The following CNIH3 variants were observed in gnomAD, a reference collection of about 807,000 sequenced individuals.
The protein encoded by CNIH3 is protein cornichon homolog 3.
A neutral mutation model predicts 24.1 loss-of-function variants in CNIH3; 14 were observed. The ratio of observed to expected loss-of-function variants is 0.58; its 90% CI spans 0.38 to 0.91. The LOEUF (loss-of-function observed/expected upper bound fraction) is 0.91. CNIH3 is among the 40% of genes least tolerant of loss of function. The pLI, the probability that CNIH3 is intolerant of heterozygous loss-of-function variation, is 0.00. For synonymous variants in CNIH3, 68 were observed against 73.8 expected, an observed-to-expected ratio of 0.92 and a Z score of 0.40; for missense variants, 178 against 196.8, an observed-to-expected ratio of 0.90 and a Z score of 0.57.
chr1:224,477,748 T>C (rs977460831), intron 1 of CNIH3, among the ~76,000 whole-genome samples: 2 of 152,234 alleles, frequency 1.3e-5, no homozygotes, highest in African/African-American at 4.8e-5. Flanking sequence ...TGCTTACTGT[T>C]ACCAGAGAGT....
chr1:224,501,883 A>T (rs998295617), intron 1 of CNIH3, among the ~76,000 whole-genome samples: 12 of 147,682 alleles, frequency 8.1e-5, no homozygotes, highest in Admixed American at 4.0e-4. Context: ...TTTATACAGA[A>T]ATTTGTTTGT....
intron 1 of CNIH3, among the ~76,000 whole-genome samples, chr1:224,456,148 G>T (rs1427656782): frequency 6.6e-6 from 1 of 152,160 alleles, no homozygotes; most frequent in African/African-American, 2.4e-5. Flanking sequence ...TCTCAAGTAG[G>T]ATTGAAACAT....
rs115177091 is a variant in CNIH3, at chr1:224,504,626, A to C, written n.204-11115A>C. ...TTCCTCCAAGGAGTCATGTGTCACT[A>C]GTCCAACCCCACCTTAATCTTTTTC... On this transcript the variant is annotated intron_variant and non_coding_transcript_variant, in intron 1 of 5. Coordinates refer to the CNIH3 transcript ENST00000471578. 5.9e-3 allele frequency among the ~76,000 whole-genome samples: 892 copies of C among 151,698 alleles called. 5 individuals are homozygous for C. The highest frequency in any genetic ancestry group is 0.02 in the African/African-American group (836 of 41,286).
intron 3 of CNIH3, among the ~76,000 whole-genome samples, chr1:224,716,874 G>A (rs975822901): frequency 6.6e-6 from 1 of 152,200 alleles, no homozygotes. Context: ...CAGTGATGCC[G>A]TAAAGCTCCT....
chr1:224,468,731 A>G (rs1340145887), intron 1 of CNIH3, among the ~76,000 whole-genome samples: 1 of 151,948 alleles, frequency 6.6e-6, no homozygotes, highest in Admixed American at 6.6e-5. Context: ...AGGTGGGAGC[A>G]TCACTTGAGG....
intron 3 of CNIH3, among the ~76,000 whole-genome samples, chr1:224,706,747 G>C (rs973741160): frequency 2.6e-5 from 4 of 152,164 alleles, no homozygotes; most frequent in African/African-American, 9.7e-5. Context: ...CAAAGTGGTA[G>C]AGTTAGTCAG....
At chr1:224,568,250 A>G (rs767512299) in intron 4 of CNIH3, among the ~76,000 whole-genome samples, 31 of 152,146 alleles carry the variant, frequency 2.0e-4, no homozygotes, top group Non-Finnish European at 3.5e-4. Context: ...AGATCACGTC[A>G]CTGCACTCCA....
At chr1:224,709,439 G>A (rs1228780291) in intron 3 of CNIH3, among the ~76,000 whole-genome samples, 1 of 152,234 alleles carries the variant, frequency 6.6e-6, no homozygotes, top group Non-Finnish European at 1.5e-5. Context: ...GTCTAGATGA[G>A]AGCCGAAGAA....
chr1:224,558,183 A>G (rs184795289), intron 3 of CNIH3, among the ~76,000 whole-genome samples: 24 of 152,254 alleles, frequency 1.6e-4, no homozygotes, highest in Admixed American at 1.3e-3. Context: ...GGCCCCACTC[A>G]CCTGCCTGAT....
At chr1:224,585,869 C>T (rs908150097) in intron 5 of CNIH3, among the ~76,000 whole-genome samples, 2 of 152,068 alleles carry the variant, frequency 1.3e-5, no homozygotes, top group African/African-American at 2.4e-5. Context: ...GCACAGGGGT[C>T]GTGGTTTAGC....
intron 3 of CNIH3, among the ~76,000 whole-genome samples, chr1:224,686,787 T>C (rs1226907579): frequency 6.6e-6 from 1 of 152,266 alleles, no homozygotes; most frequent in Non-Finnish European, 1.5e-5. Context: ...GCCAAGGTCC[T>C]GTGGCCCACA....
At chr1:224,536,448 C>T (rs572513492) in intron 2 of CNIH3, among the ~76,000 whole-genome samples, 5 of 151,992 alleles carry the variant, frequency 3.3e-5, no homozygotes, top group African/African-American at 7.2e-5. Flanking sequence ...TGCGCCACCA[C>T]GCCTGGCTAA....
At position 224,486,612 on chromosome 1, in the gene CNIH3, T is replaced by C. The variant is rs35513682; in HGVS notation, n.204-29129T>C. Among the ~76,000 whole-genome samples, 632 of 152,346 alleles carry C rather than the reference T, an allele frequency of 4.1e-3. 5 individuals are homozygous for C. The highest frequency in any genetic ancestry group is 0.01 in the Middle Eastern group (3 of 294). On this transcript the variant is annotated intron_variant and non_coding_transcript_variant, in intron 1 of 5. Coordinates refer to the CNIH3 transcript ENST00000471578. ...GTATACATACCTAGAATGCTCTTTCTATATCAACTATGCCAAGTGAATAAA... is the reference window on the plus strand; with the variant it reads ...GTATACATACCTAGAATGCTCTTTCCATATCAACTATGCCAAGTGAATAAA...
intron 1 of CNIH3, among the ~76,000 whole-genome samples, chr1:224,449,081 C>T (rs925614069): frequency 6.6e-6 from 1 of 151,462 alleles, no homozygotes; most frequent in Non-Finnish European, 1.5e-5. Flanking sequence ...TCTCCTGCCT[C>T]AGCCTCCCAA....
chr1:224,670,082 C>G (rs1406927270), intron 1 of CNIH3, among the ~76,000 whole-genome samples: 1 of 152,138 alleles, frequency 6.6e-6, no homozygotes, highest in Non-Finnish European at 1.5e-5. Flanking sequence ...AAGCCATGAC[C>G]TGGAGGAGTG....
At chr1:224,586,058 C>G (rs1460176304) in intron 5 of CNIH3, among the ~76,000 whole-genome samples, 1 of 152,196 alleles carries the variant, frequency 6.6e-6, no homozygotes, top group Non-Finnish European at 1.5e-5. Context: ...AGACTTCCTT[C>G]CCCTAGTACT....
intron 5 of CNIH3, among the ~76,000 whole-genome samples, chr1:224,737,196 G>C (rs1447414839): frequency 2.0e-5 from 3 of 150,268 alleles, no homozygotes; most frequent in African/African-American, 4.9e-5. Flanking sequence ...GGAGGGAAGC[G>C]GCTGTGCGTG....
intron 1 of CNIH3, among the ~76,000 whole-genome samples, chr1:224,478,553 T>C (rs1233941639): frequency 6.6e-6 from 1 of 152,236 alleles, no homozygotes; most frequent in African/African-American, 2.4e-5. Flanking sequence ...ATACATTTTC[T>C]GTATTATCTT....
At chr1:224,733,654 T>C (rs1042682163) in intron 4 of CNIH3, among the ~76,000 whole-genome samples, 20 of 152,214 alleles carry the variant, frequency 1.3e-4, no homozygotes, top group African/African-American at 3.4e-4. Flanking sequence ...TTTACCACCA[T>C]TGAGAACCAC....
Sources: gnomAD v4.1 joint callset for allele counts (sites outside exome capture counted in the v4.1 genomes callset) on GRCh38, gnomAD v4.1.1 for gene constraint, MANE v1.5 for transcripts, NCBI Gene and HGNC (gene_info 2026-07-23, HGNC 2026-07-21) for gene names.